AUTS2: variants seen among roughly 807,000 people sequenced by gnomAD.
AUTS2 encodes the protein activator of transcription and developmental regulator AUTS2, also known as autism susceptibility gene 2 protein.
In AUTS2, 17 loss-of-function variants were observed where a neutral mutation model predicts 112.4. The ratio of observed to expected loss-of-function variants is 0.15; its 90% CI spans 0.10 to 0.23. The LOEUF is 0.23. AUTS2 is among the 10% of genes least tolerant of loss of function. AUTS2 has a pLI of 1.00. For missense variants in AUTS2, 1,510 were observed against 1,701.6 expected (o/e 0.89, Z 1.98); for synonymous variants, 751 against 702.7 (o/e 1.07, Z -1.09).
chr7:69,718,167 A>G (rs1798720020), intron 1 of AUTS2, among the ~76,000 whole-genome samples: 1 of 152,226 alleles, frequency 6.6e-6, no homozygotes, highest in Non-Finnish European at 1.5e-5. Context: ...ATTACAGATT[A>G]TTATTTTAAG....
At chr7:70,594,143 G>T (rs1167879200) in intron 5 of AUTS2, among the ~76,000 whole-genome samples, 1 of 152,130 alleles carries the variant, frequency 6.6e-6, no homozygotes, top group Admixed American at 6.5e-5. Flanking sequence ...TCCCTAGAGG[G>T]CCTCTAACTG....
chr7:70,671,722 A>G (rs1282302551), intron 5 of AUTS2, among the ~76,000 whole-genome samples: 1 of 152,222 alleles, frequency 6.6e-6, no homozygotes, highest in African/African-American at 2.4e-5. Flanking sequence ...AAGACCGTAC[A>G]GTGTCAGTGA....
intron 2 of AUTS2, among the ~76,000 whole-genome samples, chr7:70,112,259 A>T (rs1258654453): frequency 2.6e-5 from 4 of 151,952 alleles, no homozygotes; most frequent in Non-Finnish European, 5.9e-5. Flanking sequence ...CTTTAAAAAA[A>T]TTCTTTAGGT....
chr7:69,703,482 C>G (rs536227156), intron 1 of AUTS2, among the ~76,000 whole-genome samples: 30 of 152,288 alleles, frequency 2.0e-4, no homozygotes, highest in African/African-American at 6.7e-4. Context: ...ATTTCCATGC[C>G]TCAGCCTGAG....
rs555073055 is a variant in AUTS2, at chr7:69,911,160, G to A, written c.522+11662G>A. ...CACAGCCAGGCATGCCTGCTGCTGC[G>A]GCAGGGTGGGCAGCCCCAGGCACCA... On this transcript the variant is annotated intron_variant, in intron 2 of 18. Coordinates refer to ENST00000342771, the MANE Select transcript of AUTS2 (RefSeq NM_015570.4). 5.3e-5 allele frequency among the ~76,000 whole-genome samples: 8 copies of A among 152,332 alleles called. No homozygotes were observed. In the East Asian group the frequency reaches 9.7e-4, roughly 18 times the overall value.
intron 1 of AUTS2, among the ~76,000 whole-genome samples, chr7:69,830,642 T>C (rs1024272551): frequency 4.6e-5 from 7 of 152,200 alleles, no homozygotes; most frequent in African/African-American, 1.7e-4. Flanking sequence ...GAAGCGTTTG[T>C]TATTTGTTTA....
At chr7:69,663,831 A>G (rs1795915002) in intron 1 of AUTS2, among the ~76,000 whole-genome samples, 1 of 152,152 alleles carries the variant, frequency 6.6e-6, no homozygotes, top group Admixed American at 6.5e-5. Flanking sequence ...CCTGTGGTAA[A>G]AAGGTAATTT....
chr7:70,090,005 A>AAAACAAAT (rs1803824628), intron 2 of AUTS2, among the ~76,000 whole-genome samples: 1 of 120,240 alleles, frequency 8.3e-6, no homozygotes, highest in Admixed American at 8.1e-5. Flanking sequence ...AGACTGTTTC[A>AAAACAAAT]AAACAAATAA....
rs200035761 is a variant in AUTS2 at position 70,789,967 on chromosome 7, C to G, written c.2751C>G (p.Pro917=). The G allele has an allele frequency of 1.9e-6, 3 of 1,612,834 alleles. No individual in the cohort carries two copies. Among genetic ancestry groups the G allele is most frequent in the Non-Finnish European group, 2.5e-6 (3 of 1,179,658 alleles). The stretch of plus-strand genomic sequence containing the variant: ...ACAAGGCGAAAGAGGGCCACCTGCC[C>G]GAGAAGGACGGGCACGGCCACGAGG... The part of the protein sequence containing the change: ...DEHKAKEGHL[P]EKDGHGHEGR... The change falls in exon 19 of 19, where the codon CCC becomes CCG. Residue 917 remains proline, a synonymous_variant. Coordinates refer to ENST00000342771, the MANE Select transcript of AUTS2 (RefSeq NM_015570.4).
rs555494391 is a variant in AUTS2 at position 70,114,467 on chromosome 7, C to T, written c.523-3665C>T. On this transcript the variant is annotated intron_variant, in intron 2 of 18. Transcript: ENST00000342771. ...TCTGAGTTAGTTATGCTACCCCAAA[C>T]GATCCATTGGATGTGGCTAAAATGC... 3.9e-4 allele frequency among the ~76,000 whole-genome samples: 59 copies of T among 152,286 alleles called. 1 individual carries two copies. Among genetic ancestry groups the T allele is most frequent in the South Asian group, 8.3e-4 (4 of 4,830 alleles).
intron 5 of AUTS2, among the ~76,000 whole-genome samples, chr7:70,656,877 A>G (rs369046211): frequency 2.6e-5 from 4 of 151,390 alleles, no homozygotes; most frequent in East Asian, 3.9e-4. Context: ...TAACATGCAA[A>G]TGTCACTCAC....
At chr7:70,344,089 C>T (rs1791390302) in intron 4 of AUTS2, among the ~76,000 whole-genome samples, 1 of 152,150 alleles carries the variant, frequency 6.6e-6, no homozygotes, top group Non-Finnish European at 1.5e-5. Flanking sequence ...TCAGTACTGA[C>T]ACAACCCTGA....
At chr7:69,951,295 CTT>C in intron 2 of AUTS2, among the ~76,000 whole-genome samples, 1 of 146,972 alleles carries the variant, frequency 6.8e-6, no homozygotes, top group African/African-American at 2.5e-5. Context: ...AGTCTTCAGG[CTT>C]TTTTTTTTGC....
At chr7:70,003,238 G>GAATATATTATATATGAATATAT (rs1799297037) in intron 2 of AUTS2, among the ~76,000 whole-genome samples, 8 of 124,456 alleles carry the variant, frequency 6.4e-5, no homozygotes, top group Non-Finnish European at 1.3e-4. Flanking sequence ...TATTATATAT[G>GAATATATTATATATGAATATAT]AATATATTAT....
At chr7:70,023,234 T>C (rs1800353201) in intron 2 of AUTS2, among the ~76,000 whole-genome samples, 1 of 152,232 alleles carries the variant, frequency 6.6e-6, no homozygotes. Context: ...TAATTTCTAA[T>C]CAATTGGCCA....
intron 2 of AUTS2, among the ~76,000 whole-genome samples, chr7:70,083,265 G>T (rs550365189): frequency 6.6e-6 from 1 of 152,212 alleles, no homozygotes; most frequent in African/African-American, 2.4e-5. Context: ...TGCTGTGTAG[G>T]CACCTTCTCC....
intron 5 of AUTS2, among the ~76,000 whole-genome samples, chr7:70,583,945 C>T (rs1300098428): frequency 6.6e-6 from 1 of 152,182 alleles, no homozygotes; most frequent in Non-Finnish European, 1.5e-5. Flanking sequence ...GTGGGCCAAA[C>T]AAAATTAATT....
intron 6 of AUTS2, among the ~76,000 whole-genome samples, chr7:70,733,839 G>T (rs990242712): frequency 1.3e-5 from 2 of 151,986 alleles, no homozygotes; most frequent in Middle Eastern, 3.4e-3. Flanking sequence ...CTCCTGCTTC[G>T]GCCTCCAAAA....
intron 5 of AUTS2, among the ~76,000 whole-genome samples, chr7:70,556,096 ACG>A (rs1801237924): frequency 6.6e-6 from 1 of 152,130 alleles, no homozygotes; most frequent in Non-Finnish European, 1.5e-5. Flanking sequence ...ATGAGCCACC[ACG>A]CCTGGCCAAG....
Sources: allele counts gnomAD v4.1 joint callset (sites outside exome capture counted in the v4.1 genomes callset), GRCh38; gene constraint gnomAD v4.1.1; transcripts MANE v1.5; gene names NCBI Gene and HGNC (gene_info 2026-07-23, HGNC 2026-07-21).